Variants in AGTPBP1 observed in about 807,000 individuals in gnomAD.
AGTPBP1 encodes ATP/GTP binding carboxypeptidase 1, also known as cytosolic carboxypeptidase 1.
Under a neutral mutation model 143.9 loss-of-function variants are expected in AGTPBP1, and 70 were observed. That is an observed-to-expected ratio of 0.49 (90% CI 0.40 to 0.59). The LOEUF (loss-of-function observed/expected upper bound fraction) is 0.59, where lower values mean the gene tolerates loss of function less well. Among genes scored for constraint, AGTPBP1 ranks in the 20% least tolerant of loss-of-function variants. The pLI, the probability that AGTPBP1 is intolerant of heterozygous loss-of-function variation, is 0.00. For missense variants in AGTPBP1, 1,229 were observed against 1,464.5 expected, an observed-to-expected ratio of 0.84 and a Z score of 2.62; for synonymous variants, 463 against 500.2, an observed-to-expected ratio of 0.93 and a Z score of 0.99.
Position 85,633,224 on chromosome 9 carries a change from C to T in AGTPBP1, c.1453G>A (p.Gly485Arg). ...GTAGACTTCTTTTCACCTTCATCTC[C>T]TTTAGAAGATATGTTCTCCTTCATT... The part of the protein sequence containing the change: ...VVMKENISSK[G>R]DEGEKKSTFM... The change falls in exon 14 of 26, where the codon GGA becomes AGA. Residue 485 changes from glycine (G) to arginine (R), a missense_variant. By Grantham distance (125) the Gly-to-Arg change is moderately radical (BLOSUM62 -2). Coordinates refer to ENST00000357081, the MANE Select transcript of AGTPBP1 (RefSeq NM_001330701.2). 1 of 1,613,848 alleles carries T rather than the reference C, an allele frequency of 6.2e-7. No homozygotes were observed. Among genetic ancestry groups the T allele is most frequent in the Non-Finnish European group, 8.5e-7 (1 of 1,179,956 alleles).
intron 17 of AGTPBP1, among the ~76,000 whole-genome samples, chr9:85,609,961 C>A (rs193055625): frequency 2.6e-5 from 4 of 152,260 alleles, no homozygotes. Flanking sequence ...AGGAAAGCCA[C>A]ACACCTAAAT....
intron 1 of AGTPBP1, among the ~76,000 whole-genome samples, chr9:85,726,187 A>G (rs62570616): frequency 0.015 from 2,228 of 149,130 alleles, 25 homozygotes; most frequent in Middle Eastern, 0.038. Flanking sequence ...TCATGTTCAC[A>G]CCACTGCACT....
chr9:85,712,136 G>A lies in AGTPBP1; in HGVS notation c.32+366C>T, dbSNP rs1422577512. On this transcript the variant is annotated intron_variant, in intron 2 of 25. Transcript: ENST00000357081. The stretch of plus-strand genomic sequence containing the variant: ...AAAAATCAGCCGGGTGTGGTGGTGG[G>A]TGCCTGTAATCCCAGCTACTCCAGA... Among the ~76,000 whole-genome samples, 4 of 151,976 alleles carry A rather than the reference G, an allele frequency of 2.6e-5. No homozygotes were observed. The South Asian group carries it at 6.2e-4, about 24-fold the overall frequency.
At chr9:85,711,719 C>T (rs1375375750) in intron 2 of AGTPBP1, among the ~76,000 whole-genome samples, 2 of 152,012 alleles carry the variant, frequency 1.3e-5, no homozygotes, top group African/African-American at 2.4e-5. Context: ...AGATTACAGG[C>T]GTAAGCCACT....
intron 5 of AGTPBP1, among the ~76,000 whole-genome samples, chr9:85,678,051 T>A (rs1834943925): frequency 1.3e-5 from 2 of 152,154 alleles, no homozygotes; most frequent in South Asian, 4.1e-4. Flanking sequence ...ACACATTTTG[T>A]TTAATCTCAT....
chr9:85,715,187 T>C (rs919963786), intron 1 of AGTPBP1, among the ~76,000 whole-genome samples: 1 of 151,088 alleles, frequency 6.6e-6, no homozygotes, highest in Admixed American at 6.6e-5. Flanking sequence ...CGGAGGTTGC[T>C]GTGAGCTGAG....
At chr9:85,781,491 T>C in the AGTPBP1 span, 1 of 1,095,334 alleles carries the variant, frequency 9.1e-7, no homozygotes, top group South Asian at 2.6e-5. Flanking sequence ...TCTATTTGTC[T>C]CTGTAAACAA....
chr9:85,553,575 T>C (rs1371552468), intron 25 of AGTPBP1, among the ~76,000 whole-genome samples: 1 of 152,226 alleles, frequency 6.6e-6, no homozygotes, highest in Non-Finnish European at 1.5e-5. Context: ...ATAATCCCAC[T>C]GTAAGTCAAG....
At chr9:85,804,705 C>A in the AGTPBP1 span, among the ~76,000 whole-genome samples, 7 of 152,186 alleles carry the variant, frequency 4.6e-5, no homozygotes, top group Non-Finnish European at 1.0e-4. Flanking sequence ...CACTTAACTT[C>A]GCCTGTAAAA....
At chr9:85,797,176 C>T in the AGTPBP1 span, among the ~76,000 whole-genome samples, 1,742 of 152,060 alleles carry the variant, frequency 0.011, 15 homozygotes, top group Non-Finnish European at 0.015. Flanking sequence ...TGGAGTGCAG[C>T]GACGCGATGA....
intron 25 of AGTPBP1, among the ~76,000 whole-genome samples, chr9:85,551,721 G>GT (rs768524451): frequency 1.1e-4 from 17 of 152,090 alleles, no homozygotes; most frequent in Non-Finnish European, 1.5e-4. Flanking sequence ...TAATTTCAAC[G>GT]TATGTTTTGA....
intron 1 of AGTPBP1, among the ~76,000 whole-genome samples, chr9:85,722,924 G>A (rs1028603784): frequency 1.1e-4 from 16 of 151,854 alleles, no homozygotes; most frequent in Admixed American, 6.6e-5. Context: ...TCTAACAGTC[G>A]GGCCCCTCAG....
chr9:85,570,456 T>C (rs1827388217), intron 25 of AGTPBP1, among the ~76,000 whole-genome samples: 1 of 152,222 alleles, frequency 6.6e-6, no homozygotes, highest in Non-Finnish European at 1.5e-5. Flanking sequence ...TTTCAAGCCC[T>C]ACCCTAAAAC....
intron 13 of AGTPBP1, among the ~76,000 whole-genome samples, chr9:85,637,323 A>T (rs1425330596): frequency 2.0e-5 from 3 of 152,114 alleles, no homozygotes; most frequent in East Asian, 3.9e-4. Context: ...GATTACAGGC[A>T]TGAGCCACCA....
rs62569171 is a variant in AGTPBP1, at chr9:85,643,759, G to C, written c.1186-816C>G. On this transcript the variant is annotated intron_variant, in intron 12 of 25. Transcript: ENST00000357081. Reference sequence around the variant, plus strand: ...TGTGTTCTAAATGCTCTTCAGAGAAGAGCTAATGAATCCCATGATAAGAGG... The same window carrying C: ...TGTGTTCTAAATGCTCTTCAGAGAACAGCTAATGAATCCCATGATAAGAGG... 5.1e-3 allele frequency among the ~76,000 whole-genome samples: 778 copies of C among 152,230 alleles called. 5 individuals carry two copies. The highest frequency in any genetic ancestry group is 7.1e-3 in the Non-Finnish European group (480 of 67,996).
intron 8 of AGTPBP1, among the ~76,000 whole-genome samples, chr9:85,668,966 C>CGT (rs1834297378): frequency 1.8e-4 from 12 of 67,608 alleles, no homozygotes; most frequent in South Asian, 5.2e-4. Context: ...TACATACATA[C>CGT]ATGTGTGTGT....
At chr9:85,791,687 A>G in the AGTPBP1 span, 1 of 152,164 alleles carries the variant, frequency 6.6e-6, no homozygotes, top group Admixed American at 6.6e-5. Context: ...TCTAAACACT[A>G]AAGAATACTC....
intron 25 of AGTPBP1, among the ~76,000 whole-genome samples, chr9:85,558,732 C>A (rs1826509249): frequency 6.6e-6 from 1 of 152,148 alleles, no homozygotes. Context: ...AATCCTCTCA[C>A]CTCAGCCTCC....
chr9:85,781,797 T>G, the AGTPBP1 span, among the ~76,000 whole-genome samples: 1 of 152,222 alleles, frequency 6.6e-6, no homozygotes, highest in East Asian at 1.9e-4. Context: ...AAAAATGTAA[T>G]AGAACCCATT....
Sources: allele counts gnomAD v4.1 joint callset (sites outside exome capture counted in the v4.1 genomes callset), GRCh38; gene constraint gnomAD v4.1.1; transcripts MANE v1.5; gene names NCBI Gene and HGNC (gene_info 2026-07-23, HGNC 2026-07-21).